The following NEBL variants were observed in gnomAD, a reference collection of about 807,000 sequenced individuals.
NEBL encodes nebulette.
A neutral mutation model predicts 140.2 loss-of-function variants in NEBL; 122 were observed. The ratio of observed to expected loss-of-function variants is 0.87; its 90% CI spans 0.75 to 1.01. The LOEUF is 1.01. Ranked by LOEUF, NEBL falls within the 50% of genes least tolerant of loss-of-function variation. NEBL has a pLI of 0.00. For synonymous variants in NEBL, 436 were observed against 398.9 expected, an observed-to-expected ratio of 1.09 and a Z score of -1.11; for missense variants, 1,365 against 1,231.3, an observed-to-expected ratio of 1.11 and a Z score of -1.62.
At chr10:21,110,440 C>T (rs908242883) in intron 2 of NEBL, among the ~76,000 whole-genome samples, 1 of 152,146 alleles carries the variant, frequency 6.6e-6, no homozygotes, top group East Asian at 1.9e-4. Context: ...TAGAGCTACT[C>T]ATAATATTCC....
chr10:20,804,166 A>C (rs1288390121), intron 26 of NEBL: 1 of 152,172 alleles, frequency 6.6e-6, no homozygotes, highest in African/African-American at 2.4e-5. Flanking sequence ...TCAATATATA[A>C]TATCTGAAGT....
intron 3 of NEBL, among the ~76,000 whole-genome samples, chr10:21,220,665 A>T (rs2132244644): frequency 7.0e-6 from 1 of 143,228 alleles, no homozygotes; most frequent in African/African-American, 2.6e-5. Flanking sequence ...CATCAAACTA[A>T]AAAGGTTCTG....
chr10:21,037,965 T>C (rs1462752766), intron 2 of NEBL, among the ~76,000 whole-genome samples: 1 of 152,130 alleles, frequency 6.6e-6, no homozygotes, highest in Non-Finnish European at 1.5e-5. Context: ...CGAGCAAAAA[T>C]GTCTTCATAA....
rs1347919704 is a variant in NEBL at position 20,815,791 on chromosome 10, C to CT, written c.2149-75_2149-74insA. On this transcript the variant is annotated intron_variant, in intron 21 of 27. Coordinates refer to ENST00000377122, the MANE Select transcript of NEBL (RefSeq NM_006393.3). The stretch of plus-strand genomic sequence containing the variant: ...AAGAGACTTATTTATTTATTTAAGA[C>CT]AGGGTCTTGCTCTGTCACCCAGGCT... 308 of 1,090,554 alleles carry CT rather than the reference C, an allele frequency of 2.8e-4. 2 individuals carry two copies. The Middle Eastern group carries it at 3.4e-3, about 12-fold the overall frequency. The allele number at this position is 1,090,554 out of a possible 1,614,324, so 67.6% of individuals were successfully genotyped here.
At chr10:21,167,042 A>G (rs73609213) in intron 2 of NEBL, among the ~76,000 whole-genome samples, 6,607 of 152,312 alleles carry the variant, frequency 0.043, 493 homozygotes, top group African/African-American at 0.15. Context: ...GCAGCGGAGC[A>G]CTGGCCTCGA....
At chr10:20,978,442 C>A (rs774936756) in intron 3 of NEBL, among the ~76,000 whole-genome samples, 1 of 144,186 alleles carries the variant, frequency 6.9e-6, no homozygotes. Context: ...AAAAAAAAAA[C>A]GAGTTATTTG....
At chr10:20,985,664 T>C (rs1837226334) in intron 3 of NEBL, among the ~76,000 whole-genome samples, 1 of 152,164 alleles carries the variant, frequency 6.6e-6, no homozygotes, top group Non-Finnish European at 1.5e-5. Context: ...ACTGTTTTAG[T>C]TGAAATAAAT....
chr10:20,814,617 TACACAC>T (rs3990287), intron 22 of NEBL, among the ~76,000 whole-genome samples: 2 of 146,418 alleles, frequency 1.4e-5, no homozygotes, highest in African/African-American at 2.6e-5. Flanking sequence ...CATACACACA[TACACAC>T]ACACACACAC....
chr10:21,177,414 C>T (rs1264280124), upstream of NEBL, among the ~76,000 whole-genome samples: 1 of 152,296 alleles, frequency 6.6e-6, no homozygotes, highest in East Asian at 1.9e-4. Flanking sequence ...TGTTTTGTTA[C>T]TGCAGCAAAA....
chr10:20,972,399 A>G (rs1381254340), intron 3 of NEBL, among the ~76,000 whole-genome samples: 1 of 152,210 alleles, frequency 6.6e-6, no homozygotes, highest in Non-Finnish European at 1.5e-5. Context: ...AAACTGAAAA[A>G]AGAAGAAAAA....
chr10:20,907,290 T>A (rs957541175), intron 4 of NEBL, among the ~76,000 whole-genome samples: 5 of 152,166 alleles, frequency 3.3e-5, no homozygotes, highest in Admixed American at 2.6e-4. Flanking sequence ...GGTTTAAATT[T>A]TTATTATAAA....
At chr10:21,241,285 T>TAAAAAAAA (rs35430205) in intron 3 of NEBL, among the ~76,000 whole-genome samples, 5 of 146,310 alleles carry the variant, frequency 3.4e-5, no homozygotes, top group East Asian at 2.0e-4. Flanking sequence ...AATAAATAAA[T>TAAAAAAAA]AAAAATAAAA....
chr10:21,038,350 G>A (rs1834101866), intron 2 of NEBL, among the ~76,000 whole-genome samples: 1 of 152,070 alleles, frequency 6.6e-6, no homozygotes, highest in African/African-American at 2.4e-5. Flanking sequence ...TCCTAATACT[G>A]TCTCTCCCCT....
intron 2 of NEBL, chr10:21,030,614 C>G: frequency 1.7e-6 from 1 of 583,066 alleles, no homozygotes; most frequent in Non-Finnish European, 3.3e-6. Context: ...CCAGCTCAAC[C>G]GTCTGAGAAA....
intron 2 of NEBL, among the ~76,000 whole-genome samples, chr10:21,160,749 AAAG>A (rs1454028334): frequency 6.6e-6 from 1 of 152,182 alleles, no homozygotes; most frequent in Non-Finnish European, 1.5e-5. Flanking sequence ...TCACTTGAGA[AAAG>A]AAGATTCTTC....
At chr10:21,012,352 ATATT>A (rs879490264) in intron 3 of NEBL, among the ~76,000 whole-genome samples, 102 of 151,704 alleles carry the variant, frequency 6.7e-4, no homozygotes, top group Non-Finnish European at 1.3e-3. Flanking sequence ...GTGTATATAT[ATATT>A]TATTTATTTA....
chr10:21,077,692 G>A (rs184292414), intron 2 of NEBL, among the ~76,000 whole-genome samples: 270 of 152,182 alleles, frequency 1.8e-3, no homozygotes, highest in African/African-American at 6.1e-3. Flanking sequence ...TCAGCTGATG[G>A]TCTGTTGGTT....
At chr10:20,952,941 AAAG>A (rs1835570760) in intron 4 of NEBL, among the ~76,000 whole-genome samples, 40 of 151,580 alleles carry the variant, frequency 2.6e-4, no homozygotes, top group African/African-American at 8.9e-4. Flanking sequence ...AGAAAAAAGA[AAAG>A]AAAAGAAAAG....
Position 20,852,532 on chromosome 10 carries a change from G to A in NEBL, c.1008+13C>T, listed in dbSNP as rs756082195. 3.8e-6 allele frequency: 6 copies of A among 1,596,152 alleles called. No individual in the cohort carries two copies. In the Admixed American group the frequency reaches 5.0e-5, roughly 13 times the overall value. On this transcript the variant is annotated intron_variant, in intron 10 of 27. Transcript: ENST00000377122. The stretch of plus-strand genomic sequence containing the variant: ...TGGCAGGGAGGGTAGGTACCGTACG[G>A]GCAAGTGTGTACCTGACTTTGGAGG...
Sources: gnomAD v4.1 joint callset for allele counts (sites outside exome capture counted in the v4.1 genomes callset) on GRCh38, gnomAD v4.1.1 for gene constraint, MANE v1.5 for transcripts, NCBI Gene and HGNC (gene_info 2026-07-23, HGNC 2026-07-21) for gene names.